DLGAP2: variants seen among roughly 807,000 people sequenced by gnomAD.
DLGAP2 encodes disks large-associated protein 2.
In DLGAP2, 26 loss-of-function variants were observed where a neutral mutation model predicts 100.3. The observed-to-expected ratio is 0.26, with a 90% confidence interval of 0.19 to 0.36. The LOEUF (loss-of-function observed/expected upper bound fraction) is 0.36. DLGAP2 is among the 10% of genes least tolerant of loss of function. The probability of loss-of-function intolerance (pLI) is 1.00; values close to 1 mark genes in which losing one functional copy is unlikely to be tolerated. For missense variants in DLGAP2, 1,858 were observed against 1,453.2 expected (o/e 1.28, Z -4.53); for synonymous variants, 886 against 630.1 (o/e 1.41, Z -6.08).
At chr8:859,054 G>A (rs2174098) in intron 1 of DLGAP2, among the ~76,000 whole-genome samples, 18,912 of 151,638 alleles carry the variant, frequency 0.12, 1,348 homozygotes, top group East Asian at 0.24. Context: ...AAAATACATC[G>A]ACATTCTTAT....
chr8:926,384 G>A (rs1798816211), intron 2 of DLGAP2, among the ~76,000 whole-genome samples: 1 of 152,328 alleles, frequency 6.6e-6, no homozygotes, highest in African/African-American at 2.4e-5. Flanking sequence ...CAGTGCACCT[G>A]TGTGGCCCTG....
chr8:820,243 C>A (rs1025661980), intron 1 of DLGAP2, among the ~76,000 whole-genome samples: 3 of 152,106 alleles, frequency 2.0e-5, no homozygotes, highest in Non-Finnish European at 4.4e-5. Context: ...AAGATAGTTA[C>A]TGAAAGTCTA....
intron 8 of DLGAP2, among the ~76,000 whole-genome samples, chr8:1,645,385 A>G (rs1235703875): frequency 2.0e-5 from 3 of 152,358 alleles, no homozygotes; most frequent in African/African-American, 7.2e-5. Flanking sequence ...ACTGCAGGCC[A>G]GTGTCAGTGT....
intron 12 of DLGAP2, among the ~76,000 whole-genome samples, chr8:1,685,658 A>C (rs1295613259): frequency 6.6e-6 from 1 of 152,190 alleles, no homozygotes; most frequent in African/African-American, 2.4e-5. Context: ...CAACTCACAG[A>C]ATGGGAGAAA....
intron 1 of DLGAP2, among the ~76,000 whole-genome samples, chr8:888,247 C>G (rs1343191168): frequency 6.6e-6 from 1 of 152,156 alleles, no homozygotes; most frequent in Non-Finnish European, 1.5e-5. Context: ...GGTTATGTTC[C>G]TTTATAAATA....
intron 3 of DLGAP2, among the ~76,000 whole-genome samples, chr8:1,477,035 G>T (rs1442504685): frequency 6.9e-6 from 1 of 144,644 alleles, no homozygotes; most frequent in Non-Finnish European, 1.5e-5. Context: ...TTATTCTCAG[G>T]TCATTCCTTC....
At position 1,626,727 on chromosome 8, in the gene DLGAP2, T is replaced by G; in HGVS notation, c.1443-13T>G. The G allele has an allele frequency of 1.3e-6, 2 of 1,589,390 alleles. No individual in the cohort carries two copies. The highest frequency in any genetic ancestry group is 1.7e-6 in the Non-Finnish European group (2 of 1,168,146). On this transcript the variant is annotated splice_polypyrimidine_tract_variant and intron_variant, in intron 6 of 14. Coordinates refer to ENST00000637795, the MANE Select transcript of DLGAP2 (RefSeq NM_001346810.2). ...CTCACAGAATGCCTTTTCTCCTTTCTTCTTTCCTGTAGCCAGACCTACCTG... is the reference window on the plus strand; with the variant it reads ...CTCACAGAATGCCTTTTCTCCTTTCGTCTTTCCTGTAGCCAGACCTACCTG...
chr8:1,277,020 A>G (rs1431131889), intron 3 of DLGAP2, among the ~76,000 whole-genome samples: 1 of 152,094 alleles, frequency 6.6e-6, no homozygotes. Flanking sequence ...GATTTACTGA[A>G]TTGGTCCCCT....
At chr8:1,506,363 G>C (rs936575500) in intron 4 of DLGAP2, among the ~76,000 whole-genome samples, 1 of 152,328 alleles carries the variant, frequency 6.6e-6, no homozygotes, top group Non-Finnish European at 1.5e-5. Context: ...CTGACGTCAA[G>C]AATGAAGCTG....
chr8:1,592,550 C>T (rs1366402423), intron 6 of DLGAP2, among the ~76,000 whole-genome samples: 1 of 152,082 alleles, frequency 6.6e-6, no homozygotes, highest in East Asian at 1.9e-4. Flanking sequence ...TTCCAACATC[C>T]TCCTAGTCCA....
chr8:1,570,471 C>T (rs1429645848), intron 6 of DLGAP2, among the ~76,000 whole-genome samples: 1 of 152,250 alleles, frequency 6.6e-6, no homozygotes, highest in African/African-American at 2.4e-5. Context: ...TCTCCTAATC[C>T]AATTCCTCAT....
intron 3 of DLGAP2, among the ~76,000 whole-genome samples, chr8:1,391,501 G>A (rs918981836): frequency 3.9e-5 from 6 of 152,126 alleles, no homozygotes; most frequent in Non-Finnish European, 7.4e-5. Context: ...ATAATAGCTG[G>A]GGTTTTGGCC....
At chr8:1,591,645 T>A (rs146588942) in intron 6 of DLGAP2, among the ~76,000 whole-genome samples, 724 of 152,254 alleles carry the variant, frequency 4.8e-3, no homozygotes, top group Non-Finnish European at 7.9e-3. Flanking sequence ...ACACATCTAC[T>A]TGACCTGCAG....
At chr8:948,888 G>A (rs1799401709) in intron 2 of DLGAP2, among the ~76,000 whole-genome samples, 1 of 152,150 alleles carries the variant, frequency 6.6e-6, no homozygotes, top group South Asian at 2.1e-4. Flanking sequence ...GTGTTAGGGT[G>A]GGAGCAGGGC....
intron 4 of DLGAP2, among the ~76,000 whole-genome samples, chr8:1,527,794 G>A (rs559431047): frequency 2.0e-5 from 3 of 152,046 alleles, no homozygotes; most frequent in South Asian, 2.1e-4. Flanking sequence ...CAGTGCACGC[G>A]TTTAGCATCT....
chr8:1,220,836 A>C (rs2116811163), intron 2 of DLGAP2, among the ~76,000 whole-genome samples: 1 of 151,774 alleles, frequency 6.6e-6, no homozygotes, highest in South Asian at 2.1e-4. Context: ...GTTGAATTGA[A>C]CCTTTTATCA....
chr8:1,190,893 G>T (rs943984418), intron 2 of DLGAP2, among the ~76,000 whole-genome samples: 1 of 152,104 alleles, frequency 6.6e-6, no homozygotes, highest in Non-Finnish European at 1.5e-5. Flanking sequence ...TTCAGTGCAC[G>T]GGGCGTGTTT....
chr8:795,090 C>G (rs955577839), intron 1 of DLGAP2, among the ~76,000 whole-genome samples: 3 of 152,288 alleles, frequency 2.0e-5, no homozygotes, highest in African/African-American at 7.2e-5. Context: ...TACCTGACTG[C>G]ATTTTCTCAA....
chr8:1,264,079 C>T (rs149172707), intron 3 of DLGAP2, among the ~76,000 whole-genome samples: 36 of 152,158 alleles, frequency 2.4e-4, no homozygotes, highest in African/African-American at 8.7e-4. Flanking sequence ...CTGAGTTGAC[C>T]CCTGTCCCAT....
Sources: gnomAD v4.1 joint callset for allele counts (sites outside exome capture counted in the v4.1 genomes callset) on GRCh38, gnomAD v4.1.1 for gene constraint, MANE v1.5 for transcripts, NCBI Gene and HGNC (gene_info 2026-07-23, HGNC 2026-07-21) for gene names.